The following GALNT18 variants were observed in gnomAD, a reference collection of about 807,000 sequenced individuals.
GALNT18 encodes the protein polypeptide N-acetylgalactosaminyltransferase 18.
In GALNT18, 44 loss-of-function variants were observed where a neutral mutation model predicts 69.5. The ratio of observed to expected loss-of-function variants is 0.63; its 90% CI spans 0.50 to 0.81. The LOEUF (loss-of-function observed/expected upper bound fraction) is 0.81. GALNT18 is among the 40% of genes least tolerant of loss of function. GALNT18 has a pLI of 0.00. For synonymous variants in GALNT18, 364 were observed against 318.2 expected, an observed-to-expected ratio of 1.14 and a Z score of -1.53; for missense variants, 715 against 810.0, an observed-to-expected ratio of 0.88 and a Z score of 1.42.
intron 10 of GALNT18, among the ~76,000 whole-genome samples, chr11:11,278,524 A>C (rs1848997090): frequency 6.6e-6 from 1 of 152,088 alleles, no homozygotes; most frequent in African/African-American, 2.4e-5. Flanking sequence ...AAAAAAAGGG[A>C]GATTGTTATT....
chr11:11,371,014 T>G (rs953033964), intron 6 of GALNT18, among the ~76,000 whole-genome samples: 2 of 152,246 alleles, frequency 1.3e-5, no homozygotes, highest in Non-Finnish European at 2.9e-5. Flanking sequence ...AGGGTGATTA[T>G]GCAGGGGCTG....
intron 9 of GALNT18, among the ~76,000 whole-genome samples, chr11:11,322,935 C>G (rs572831091): frequency 1.3e-5 from 2 of 151,470 alleles, no homozygotes; most frequent in African/African-American, 4.8e-5. Flanking sequence ...GAAAAGAAAG[C>G]TAGTGATCAG....
rs138462683 is a variant in GALNT18 at position 11,618,894 on chromosome 11, G to A, written c.235+2465C>T. On this transcript the variant is annotated intron_variant, in intron 1 of 10. Coordinates refer to ENST00000227756, the MANE Select transcript of GALNT18 (RefSeq NM_198516.3). The surrounding 1 kb of genome is among the most constrained non-coding windows in gnomAD (Gnocchi z 6.1). ...TAAACTGGATTGTTCAAAGGGCTAT[G>A]CTGACTAGAGGGAACTTGACAGTGG... Among the ~76,000 whole-genome samples, 1 of 152,294 alleles carries A rather than the reference G, an allele frequency of 6.6e-6. No individual in the cohort carries two copies. The highest frequency in any genetic ancestry group is 2.4e-5 in the African/African-American group (1 of 41,560).
chr11:11,275,145 A>C (rs949671394), intron 10 of GALNT18, among the ~76,000 whole-genome samples: 1 of 152,214 alleles, frequency 6.6e-6, no homozygotes, highest in Non-Finnish European at 1.5e-5. Context: ...GGTTGAACTA[A>C]TTTACACTCC....
At chr11:11,594,999 G>A (rs868195208) in intron 1 of GALNT18, among the ~76,000 whole-genome samples, 14 of 147,794 alleles carry the variant, frequency 9.5e-5, no homozygotes, top group South Asian at 6.4e-4. Flanking sequence ...GTGTGTGTGT[G>A]TATATATATC....
At chr11:11,589,585 GGT>G (rs1491239601) in intron 1 of GALNT18, among the ~76,000 whole-genome samples, 1 of 131,408 alleles carries the variant, frequency 7.6e-6, no homozygotes, top group Non-Finnish European at 1.6e-5. Flanking sequence ...CAGTTTTAGG[GGT>G]TTTTTTTTTT....
chr11:11,501,685 C>A (rs1406816113), intron 1 of GALNT18, among the ~76,000 whole-genome samples: 5 of 152,140 alleles, frequency 3.3e-5, no homozygotes, highest in African/African-American at 1.2e-4. Context: ...GCCTTGACAA[C>A]CAGAAGACCT....
At chr11:11,284,911 T>TTTTTTG (rs1564879561) in intron 10 of GALNT18, among the ~76,000 whole-genome samples, 2 of 75,190 alleles carry the variant, frequency 2.7e-5, no homozygotes, top group African/African-American at 7.0e-5. Flanking sequence ...CTTTCGTGTT[T>TTTTTTG]TTTTTTTTTT....
chr11:11,331,102 T>G (rs1396969907), intron 8 of GALNT18, among the ~76,000 whole-genome samples: 1 of 152,196 alleles, frequency 6.6e-6, no homozygotes, highest in Non-Finnish European at 1.5e-5. Flanking sequence ...TCAGGATGGT[T>G]CTGGGGAGGT....
chr11:11,486,039 C>G (rs7102335), intron 1 of GALNT18, among the ~76,000 whole-genome samples: 24,748 of 152,072 alleles, frequency 0.16, 2,204 homozygotes, highest in East Asian at 0.3. Flanking sequence ...GAGATGGACA[C>G]CCAGGAGGCA....
rs188977668 is a variant in GALNT18 at position 11,430,033 on chromosome 11, G to T, written c.595+2588C>A. On this transcript the variant is annotated intron_variant, in intron 3 of 10. Coordinates refer to ENST00000227756, the MANE Select transcript of GALNT18 (RefSeq NM_198516.3). This position sits in a 1 kb window ranked among gnomAD's most constrained non-coding sequence, Gnocchi z 4.9. ...GATGCACCTGTCGTCCCAGCTACTC[G>T]GGAGGCTAAGATGGGAGGATTGCTT... 6.6e-6 allele frequency among the ~76,000 whole-genome samples: 1 copy of T among 152,010 alleles called. No homozygotes were observed. The highest frequency in any genetic ancestry group is 6.6e-5 in the Admixed American group (1 of 15,262).
At chr11:11,473,314 A>T (rs573781335) in intron 1 of GALNT18, among the ~76,000 whole-genome samples, 37 of 152,206 alleles carry the variant, frequency 2.4e-4, no homozygotes, top group Non-Finnish European at 4.7e-4. Flanking sequence ...AAATGAAAGC[A>T]CTCCAGGCCC....
chr11:11,303,078 CATCT>C (rs1849524949), intron 9 of GALNT18, among the ~76,000 whole-genome samples: 1 of 152,180 alleles, frequency 6.6e-6, no homozygotes, highest in Non-Finnish European at 1.5e-5. Context: ...CTCACCCATG[CATCT>C]GGGCACTCCC....
At chr11:11,599,325 G>A (rs1022126627) in intron 1 of GALNT18, among the ~76,000 whole-genome samples, 1 of 151,986 alleles carries the variant, frequency 6.6e-6, no homozygotes, top group East Asian at 1.9e-4. Context: ...CTTATGGATT[G>A]ATCCTTTTAT....
chr11:11,294,991 G>A (rs1158506114), intron 9 of GALNT18, among the ~76,000 whole-genome samples: 1 of 152,196 alleles, frequency 6.6e-6, no homozygotes, highest in African/African-American at 2.4e-5. Flanking sequence ...AATTCTCATT[G>A]GCAAATATTT....
chr11:11,390,925 T>C (rs1425046204), intron 3 of GALNT18, among the ~76,000 whole-genome samples: 1 of 152,258 alleles, frequency 6.6e-6, no homozygotes, highest in Non-Finnish European at 1.5e-5. Context: ...AGTTCTCTCT[T>C]CTACCTATTT....
chr11:11,383,526 G>A lies in GALNT18; in HGVS notation c.596-4262C>T, dbSNP rs547613473. Among the ~76,000 whole-genome samples, 42 of 152,268 alleles carry A rather than the reference G, an allele frequency of 2.8e-4. 1 individual carries two copies. In the East Asian group the frequency reaches 6.9e-3, roughly 25 times the overall value. ...TCCTATAGGCTTGCTGTGGAGAACC[G>A]GGCAGAGTCCTCACCTCTCCCTCAA... is the stretch of plus-strand genomic sequence containing the variant. On this transcript the variant is annotated intron_variant, in intron 3 of 10. Coordinates refer to ENST00000227756, the MANE Select transcript of GALNT18 (RefSeq NM_198516.3). This position sits in a 1 kb window ranked among gnomAD's most constrained non-coding sequence, Gnocchi z 5.2.
At chr11:11,418,445 C>T (rs956806807) in intron 3 of GALNT18, among the ~76,000 whole-genome samples, 8 of 152,194 alleles carry the variant, frequency 5.3e-5, no homozygotes, top group African/African-American at 1.9e-4. Context: ...AAGGCAGGTT[C>T]TGTCTTTTTC....
At chr11:11,283,740 T>C (rs1849135058) in intron 10 of GALNT18, among the ~76,000 whole-genome samples, 2 of 152,136 alleles carry the variant, frequency 1.3e-5, no homozygotes, top group Admixed American at 1.3e-4. Flanking sequence ...CTACATAATC[T>C]GGAAACACAC....
Sources: gnomAD v4.1 joint callset for allele counts (sites outside exome capture counted in the v4.1 genomes callset) on GRCh38, gnomAD v4.1.1 for gene constraint, Gnocchi (gnomAD v3.1) non-coding constraint, MANE v1.5 for transcripts, NCBI Gene and HGNC (gene_info 2026-07-23, HGNC 2026-07-21) for gene names.